Variants in F8 observed in about 807,000 individuals in gnomAD.
F8 encodes antihemophilic factor.
A neutral mutation model predicts 140.6 loss-of-function variants in F8; 12 were observed. That is an observed-to-expected ratio of 0.09 (90% CI 0.05 to 0.14). F8 has a LOEUF of 0.14. Ranked by LOEUF, F8 falls within the 10% of genes least tolerant of loss-of-function variation. The pLI, the probability that F8 is intolerant of heterozygous loss-of-function variation, is 1.00. For synonymous variants in F8, 585 were observed against 614.6 expected (o/e 0.95, Z 0.71); for missense variants, 1,354 against 1,720.7 (o/e 0.79, Z 3.77).
At chrX:154,900,053 G>GA (rs2073002075) in intron 20 of F8, 102 bp from the exon 21 acceptor site, 2 of 673,032 alleles carry the variant, frequency 3.0e-6, no homozygotes, top group Non-Finnish European at 4.5e-6. Context: ...AAGCTGTGGT[G>GA]AAAATAGAGA....
intron 4 of F8, among the ~76,000 whole-genome samples, chrX:154,990,237 TTCTC>T (rs782134105): frequency 1.2e-4 from 14 of 112,131 alleles, no homozygotes; most frequent in Non-Finnish European, 2.3e-4. Context: ...TTACTGCTTC[TTCTC>T]TCTGATTTTC....
At chrX:154,942,968 C>A (rs1172874292) in intron 13 of F8, among the ~76,000 whole-genome samples, 2 of 108,901 alleles carry the variant, frequency 1.8e-5, no homozygotes, top group African/African-American at 6.8e-5. Context: ...AATTCAACAA[C>A]CCTTCATGCT....
chrX:154,929,609 G>C lies in F8; in HGVS notation c.4181C>G (p.Thr1394Arg). The C allele has an allele frequency of 8.3e-7, 1 of 1,211,095 alleles. No individual in the cohort carries two copies. Among genetic ancestry groups the C allele is most frequent in the Non-Finnish European group, 1.1e-6 (1 of 895,049 alleles). The change falls in exon 14 of 26, where the codon ACG (threonine) becomes AGG (arginine). Residue 1394 changes from threonine (T) to arginine (R), a missense_variant. Physicochemically the swap from Thr to Arg is moderately conservative, Grantham distance 71. Coordinates refer to ENST00000360256, the MANE Select transcript of F8 (RefSeq NM_000132.4). ...ITQSPLSDCL[T>R]RSHSIPQANR... is the part of the protein sequence containing the mutation. The stretch of plus-strand genomic sequence containing the variant: ...TGCTTGAGGGATGCTATGACTCCTC[G>C]TAAGGCAATCTGATAAGGGAGACTG...
At chrX:154,992,071 T>A (rs191269211) in intron 4 of F8, among the ~76,000 whole-genome samples, 5 of 112,024 alleles carry the variant, frequency 4.5e-5, no homozygotes, top group East Asian at 5.6e-4. Flanking sequence ...AGAGATCATG[T>A]GGAGAGTACC....
chrX:154,958,695 C>A (rs2073378056), intron 10 of F8, among the ~76,000 whole-genome samples: 1 of 111,617 alleles, frequency 9.0e-6, no homozygotes, highest in Admixed American at 9.4e-5. Context: ...CTCACTGCAA[C>A]CTTCACCTCC....
At chrX:154,905,085 TTAGGGTTTACATCCCTAAA>T in intron 15 of F8, 62 bp from the exon 16 acceptor site, 1 of 946,457 alleles carries the variant, frequency 1.1e-6, no homozygotes, top group Non-Finnish European at 1.5e-6. Flanking sequence ...CTTAAGGTCC[TTAGGGTTTACATCCCTAAA>T]AGAAATACCT....
At chrX:154,873,926 T>C (rs1247700480) in intron 22 of F8, among the ~76,000 whole-genome samples, 1 of 112,000 alleles carries the variant, frequency 8.9e-6, no homozygotes, top group Non-Finnish European at 1.9e-5. Context: ...CTGATATTGA[T>C]TTGGGCAATA....
chrX:154,940,406 A>G (rs1465011974), intron 13 of F8, among the ~76,000 whole-genome samples: 2 of 112,247 alleles, frequency 1.8e-5, no homozygotes, highest in African/African-American at 6.5e-5. Flanking sequence ...ACTGGAAGAA[A>G]GGGTATCAGC....
chrX:154,902,829 C>T (rs1557276052), intron 18 of F8, among the ~76,000 whole-genome samples: 1 of 111,929 alleles, frequency 8.9e-6, no homozygotes, highest in African/African-American at 3.2e-5. Flanking sequence ...ATCCCCTTAC[C>T]TTTAACCTAT....
intron 13 of F8, among the ~76,000 whole-genome samples, chrX:154,938,953 T>C (rs1372144129): frequency 9.0e-6 from 1 of 111,189 alleles, no homozygotes; most frequent in Non-Finnish European, 1.9e-5. Flanking sequence ...GTTTAAAATA[T>C]ATGTAGAATT....
intron 14 of F8, among the ~76,000 whole-genome samples, chrX:154,925,430 G>T (rs1316495339): frequency 3.6e-5 from 4 of 112,016 alleles, no homozygotes; most frequent in African/African-American, 6.5e-5. Flanking sequence ...CGGAATGGTA[G>T]ATCCATCAGA....
chrX:154,874,615 G>A (rs1359598612), intron 22 of F8, among the ~76,000 whole-genome samples: 7 of 112,030 alleles, frequency 6.2e-5, no homozygotes, highest in Non-Finnish European at 9.4e-5. Context: ...CAACACTGTC[G>A]CATTGGGAAT....
At chrX:154,956,935 A>G in intron 11 of F8, 22 bp downstream of exon 11, 1 of 1,175,048 alleles carries the variant, frequency 8.5e-7, no homozygotes, top group Non-Finnish European at 1.2e-6. Flanking sequence ...GAAACCCAGC[A>G]CTTGGAAAGG....
At chrX:154,908,630 C>A (rs1569559544) in intron 14 of F8, among the ~76,000 whole-genome samples, 1 of 111,971 alleles carries the variant, frequency 8.9e-6, no homozygotes, top group Non-Finnish European at 1.9e-5. Context: ...CAGTAAATTT[C>A]CATAGTTTTT....
At chrX:155,011,650 C>T (rs113315977) in intron 1 of F8, among the ~76,000 whole-genome samples, 3,436 of 111,666 alleles carry the variant, frequency 0.031, 41 homozygotes, top group African/African-American at 0.039. Context: ...GGAAACAATC[C>T]AAAAGTCCAT....
At chrX:154,943,844 G>C (rs1474947213) in intron 13 of F8, among the ~76,000 whole-genome samples, 2 of 111,301 alleles carry the variant, frequency 1.8e-5, no homozygotes, top group African/African-American at 6.6e-5. Context: ...GAACAGAACA[G>C]AGCCCTCAGA....
At chrX:154,866,884 AAC>A (rs1491044389) in intron 22 of F8, among the ~76,000 whole-genome samples, 12 of 106,037 alleles carry the variant, frequency 1.1e-4, no homozygotes, top group South Asian at 9.9e-4. Flanking sequence ...AGAATAAAAA[AAC>A]AATTGGAAAT....
intron 25 of F8, among the ~76,000 whole-genome samples, chrX:154,840,953 T>G (rs1286314527): frequency 8.9e-6 from 1 of 112,200 alleles, no homozygotes; most frequent in Non-Finnish European, 1.9e-5. Context: ...ATTAATACCA[T>G]CTGCTTCATA....
At chrX:154,873,658 A>G (rs2072791773) in intron 22 of F8, among the ~76,000 whole-genome samples, 1 of 112,282 alleles carries the variant, frequency 8.9e-6, no homozygotes, top group Non-Finnish European at 1.9e-5. Flanking sequence ...CAACCAAGGG[A>G]ACAGAATAGA....
Sources: gnomAD v4.1 joint callset for allele counts (sites outside exome capture counted in the v4.1 genomes callset) on GRCh38, gnomAD v4.1.1 for gene constraint, MANE v1.5 for transcripts, NCBI Gene and HGNC (gene_info 2026-07-23, HGNC 2026-07-21) for gene names.